Variants in FGF12 observed in about 807,000 individuals in gnomAD.
The protein encoded by FGF12 is fibroblast growth factor 12B.
Under a neutral mutation model 23.6 loss-of-function variants are expected in FGF12, and 14 were observed. The ratio of observed to expected loss-of-function variants is 0.59; its 90% CI spans 0.39 to 0.93. The LOEUF is 0.93. FGF12 is among the 40% of genes least tolerant of loss of function. The pLI is 0.00. For missense variants in FGF12, 175 were observed against 217.8 expected, an observed-to-expected ratio of 0.80 and a Z score of 1.24; for synonymous variants, 62 against 77.3, an observed-to-expected ratio of 0.80 and a Z score of 1.04.
intron 2 of FGF12, among the ~76,000 whole-genome samples, chr3:192,564,253 G>A (rs995463779): frequency 2.0e-5 from 3 of 152,038 alleles, no homozygotes; most frequent in Admixed American, 6.5e-5. Flanking sequence ...TAGTAGAGAC[G>A]GGGTTTCTCC....
chr3:192,408,314 G>C lies in FGF12; in HGVS notation c.14-47776C>G. On this transcript the variant is annotated intron_variant, in intron 2 of 5. Coordinates refer to ENST00000445105, the MANE Select transcript of FGF12 (RefSeq NM_004113.6). This position sits in a 1 kb window ranked among gnomAD's most constrained non-coding sequence, Gnocchi z 7.3. Reference sequence around the variant, plus strand: ...CGAGGGCAGGACCTGGGCGGCCAGGGAAAGGGCAGTCGCGGGGAGGCAGTG... The same window carrying C: ...CGAGGGCAGGACCTGGGCGGCCAGGCAAAGGGCAGTCGCGGGGAGGCAGTG... 1 of 1,448,728 alleles carries C rather than the reference G, an allele frequency of 6.9e-7. No individual in the cohort carries two copies. Among genetic ancestry groups the C allele is most frequent in the Non-Finnish European group, 9.0e-7 (1 of 1,106,240 alleles). 89.7% of individuals were successfully genotyped at this position (1,448,728 alleles called of 1,614,324 possible). A position where few individuals can be genotyped will look rare whatever the true frequency, so the allele number is the denominator to read the frequency against.
At chr3:192,254,340 A>C (rs1712231693) in intron 4 of FGF12, among the ~76,000 whole-genome samples, 1 of 151,846 alleles carries the variant, frequency 6.6e-6, no homozygotes, top group Non-Finnish European at 1.5e-5. Context: ...GGTGTCAAAA[A>C]TGACAGGATT....
intron 2 of FGF12, among the ~76,000 whole-genome samples, chr3:192,653,227 A>G (rs1716277124): frequency 6.6e-6 from 1 of 152,198 alleles, no homozygotes; most frequent in Non-Finnish European, 1.5e-5. Flanking sequence ...ATAAATGATC[A>G]CCAAGCTCTC....
chr3:192,558,542 A>G (rs1207287352), intron 2 of FGF12, among the ~76,000 whole-genome samples: 1 of 151,866 alleles, frequency 6.6e-6, no homozygotes, highest in Non-Finnish European at 1.5e-5. Context: ...ATTGCTATCA[A>G]AATCCCACTG....
chr3:192,544,731 A>G (rs940758346), intron 2 of FGF12, among the ~76,000 whole-genome samples: 1 of 152,168 alleles, frequency 6.6e-6, no homozygotes, highest in Admixed American at 6.5e-5. Context: ...GTGAAGCACT[A>G]TACTGTAGGT....
chr3:192,515,247 C>G (rs558701739), intron 2 of FGF12: 1 of 151,472 alleles, frequency 6.6e-6, no homozygotes, highest in East Asian at 2.0e-4. Context: ...AGCGGTCCCG[C>G]GGGCTGCGCG....
In FGF12 at chr3:192,436,715, C is replaced by T. The variant is rs187496249; in HGVS notation, c.14-76177G>A. 3.5e-3 allele frequency among the ~76,000 whole-genome samples: 530 copies of T among 152,264 alleles called. 2 individuals carry two copies. The highest frequency in any genetic ancestry group is 0.012 in the African/African-American group (511 of 41,552). ...TAAGATTATACATGTTTCTGAGTAGCCTGTCTGATCAACAATTTCTTGCCC... is the reference window on the plus strand; with the variant it reads ...TAAGATTATACATGTTTCTGAGTAGTCTGTCTGATCAACAATTTCTTGCCC... On this transcript the variant is annotated intron_variant, in intron 2 of 5. Transcript: ENST00000445105.
At chr3:192,512,660 C>G (rs1724515740) in intron 2 of FGF12, among the ~76,000 whole-genome samples, 1 of 151,070 alleles carries the variant, frequency 6.6e-6, no homozygotes, top group Admixed American at 6.6e-5. Context: ...AAACAGTCTT[C>G]TGATACAAAA....
At chr3:192,637,395 A>AG (rs1479157945) in intron 2 of FGF12, among the ~76,000 whole-genome samples, 1 of 152,196 alleles carries the variant, frequency 6.6e-6, no homozygotes, top group Non-Finnish European at 1.5e-5. Flanking sequence ...GACAGTTATT[A>AG]GCATGGTGCC....
At chr3:192,194,268 G>A (rs1056991691) in intron 4 of FGF12, among the ~76,000 whole-genome samples, 2 of 152,162 alleles carry the variant, frequency 1.3e-5, no homozygotes, top group East Asian at 1.9e-4. Context: ...CTCAAAGTAT[G>A]CTGAGCCTCT....
intron 4 of FGF12, among the ~76,000 whole-genome samples, chr3:192,209,963 T>TAA (rs201335099): frequency 6.6e-6 from 1 of 152,020 alleles, no homozygotes; most frequent in Non-Finnish European, 1.5e-5. Flanking sequence ...TGATTAAAGA[T>TAA]AAAAAAAATA....
At chr3:192,328,031 C>A (rs1478087499) in intron 4 of FGF12, among the ~76,000 whole-genome samples, 1 of 152,166 alleles carries the variant, frequency 6.6e-6, no homozygotes, top group Non-Finnish European at 1.5e-5. Context: ...ATATTACACC[C>A]ATAAATTTCT....
chr3:192,700,517 C>T (rs1429807488), intron 2 of FGF12, among the ~76,000 whole-genome samples: 2 of 152,258 alleles, frequency 1.3e-5, no homozygotes, highest in East Asian at 1.9e-4. Flanking sequence ...ACTCTGACCA[C>T]CATATCTCCT....
At chr3:192,646,236 C>T (rs975691261) in intron 2 of FGF12, among the ~76,000 whole-genome samples, 3 of 150,966 alleles carry the variant, frequency 2.0e-5, no homozygotes, top group African/African-American at 7.3e-5. Context: ...ATCAATCAAT[C>T]ATCAGAGTGT....
At chr3:192,302,145 CTAGG>C (rs1449486227) in intron 4 of FGF12, among the ~76,000 whole-genome samples, 13 of 152,224 alleles carry the variant, frequency 8.5e-5, no homozygotes, top group Middle Eastern at 6.8e-3. Context: ...AGAACGCCTG[CTAGG>C]TGTTGAAGTA....
intron 4 of FGF12, among the ~76,000 whole-genome samples, chr3:192,291,573 A>T (rs1305432670): frequency 6.6e-6 from 1 of 151,684 alleles, no homozygotes; most frequent in Non-Finnish European, 1.5e-5. Context: ...AAAGAACAAA[A>T]CCCTGTCTTA....
chr3:192,398,986 G>T (rs940371911), intron 2 of FGF12, among the ~76,000 whole-genome samples: 2 of 152,102 alleles, frequency 1.3e-5, no homozygotes, highest in Admixed American at 1.3e-4. Flanking sequence ...ACTAAGTTCT[G>T]AGAAATCTAG....
intron 4 of FGF12, among the ~76,000 whole-genome samples, chr3:192,232,515 A>G (rs895109246): frequency 6.7e-6 from 1 of 149,420 alleles, no homozygotes; most frequent in Non-Finnish European, 1.5e-5. Flanking sequence ...ATGCACGTGT[A>G]TTTATTTATT....
At chr3:192,184,496 G>C (rs1250576091) in intron 4 of FGF12, among the ~76,000 whole-genome samples, 1 of 152,176 alleles carries the variant, frequency 6.6e-6, no homozygotes, top group African/African-American at 2.4e-5. Flanking sequence ...TTGACCGATG[G>C]TCTGAATTAG....
Sources: allele counts gnomAD v4.1 joint callset (sites outside exome capture counted in the v4.1 genomes callset), GRCh38; gene constraint gnomAD v4.1.1; non-coding constraint Gnocchi (gnomAD v3.1); transcripts MANE v1.5; gene names NCBI Gene and HGNC (gene_info 2026-07-23, HGNC 2026-07-21).